PCDH15: variants seen among roughly 807,000 people sequenced by gnomAD.
PCDH15 encodes the protein protocadherin related 15.
In PCDH15, 129 loss-of-function variants were observed where a neutral mutation model predicts 178.5. The observed-to-expected ratio is 0.72, with a 90% CI of 0.63 to 0.84. The LOEUF (loss-of-function observed/expected upper bound fraction) is 0.84. Ranked by LOEUF, PCDH15 falls within the 40% of genes least tolerant of loss-of-function variation. The pLI is 0.00. For missense variants in PCDH15, 2,230 were observed against 2,099.9 expected, an observed-to-expected ratio of 1.06 and a Z score of -1.21; for synonymous variants, 800 against 732.0, an observed-to-expected ratio of 1.09 and a Z score of -1.50.
intron 2 of PCDH15, among the ~76,000 whole-genome samples, chr10:55,012,699 T>G (rs1400871696): frequency 6.6e-6 from 1 of 152,134 alleles, no homozygotes; most frequent in African/African-American, 2.4e-5. Context: ...CCATGTCTTT[T>G]TATTTATTCC....
chr10:54,239,147 G>A (rs2054957173), intron 8 of PCDH15, among the ~76,000 whole-genome samples: 1 of 152,056 alleles, frequency 6.6e-6, no homozygotes, highest in Non-Finnish European at 1.5e-5. Flanking sequence ...CACAATATTT[G>A]AGGATATGTT....
At chr10:54,569,130 G>T (rs2089447107) in intron 2 of PCDH15, among the ~76,000 whole-genome samples, 1 of 151,670 alleles carries the variant, frequency 6.6e-6, no homozygotes, top group Non-Finnish European at 1.5e-5. Context: ...CAAAACCCAA[G>T]AAATTAAAAA....
chr10:55,480,298 C>G (rs1031596165), intron 2 of PCDH15, among the ~76,000 whole-genome samples: 1 of 151,506 alleles, frequency 6.6e-6, no homozygotes, highest in Non-Finnish European at 1.5e-5. Context: ...GACTTCCTCC[C>G]TTAATATTTG....
At position 55,583,900 on chromosome 10, in the gene PCDH15, C is replaced by T. The variant is rs184756008; in HGVS notation, c.-156+43725G>A. ...ATACAATTTTTTTGTTTGTTTCAGA[C>T]GGGGTCTTGCTTTGTCACCCAGGCT... is the stretch of plus-strand genomic sequence containing the variant. On this transcript the variant is annotated intron_variant, in intron 2 of 5. Transcript: ENST00000613346. 5.8e-3 allele frequency among the ~76,000 whole-genome samples: 877 copies of T among 151,968 alleles called. 8 individuals are homozygous for T. Among genetic ancestry groups the T allele is most frequent in the African/African-American group, 0.015 (634 of 41,444 alleles).
rs551948017 is a variant in PCDH15 at position 54,053,278 on chromosome 10, T to C, written c.2220+13479A>G. Among the ~76,000 whole-genome samples the C allele has an allele frequency of 3.9e-4, 60 of 152,342 alleles. 2 individuals are homozygous for C. The South Asian group carries it at 0.012, about 30-fold the overall frequency. On this transcript the variant is annotated intron_variant, in intron 18 of 37. Coordinates refer to ENST00000644397, the MANE Select transcript of PCDH15 (RefSeq NM_001384140.1). ...GCTGACATATACTTTACCGGTTCTCTTTTTACATTTAGGAATCTTCATTAC... is the reference window on the plus strand; with the variant it reads ...GCTGACATATACTTTACCGGTTCTCCTTTTACATTTAGGAATCTTCATTAC...
At chr10:54,388,603 T>C (rs1446703832) in intron 3 of PCDH15, among the ~76,000 whole-genome samples, 3 of 152,206 alleles carry the variant, frequency 2.0e-5, no homozygotes, top group Non-Finnish European at 4.4e-5. Flanking sequence ...TATCCCACCA[T>C]CTTCTTCTGC....
At chr10:55,067,001 G>A (rs1464154699) in intron 2 of PCDH15, among the ~76,000 whole-genome samples, 1 of 151,836 alleles carries the variant, frequency 6.6e-6, no homozygotes, top group Non-Finnish European at 1.5e-5. Context: ...TTCTATGCAT[G>A]TAATAAACAC....
chr10:55,018,319 T>C (rs930306547), intron 2 of PCDH15, among the ~76,000 whole-genome samples: 1 of 152,074 alleles, frequency 6.6e-6, no homozygotes, highest in African/African-American at 2.4e-5. Context: ...AATTCATAGA[T>C]GCTCGAGTCA....
intron 21 of PCDH15, among the ~76,000 whole-genome samples, chr10:53,962,988 C>T (rs2088528225): frequency 6.6e-6 from 1 of 152,124 alleles, no homozygotes; most frequent in Non-Finnish European, 1.5e-5. Flanking sequence ...CAAACCTAAA[C>T]ACTAAATTAC....
At chr10:53,841,644 A>G (rs1298769949) in intron 28 of PCDH15, among the ~76,000 whole-genome samples, 2 of 152,188 alleles carry the variant, frequency 1.3e-5, no homozygotes, top group African/African-American at 4.8e-5. Context: ...TTTGTAACCC[A>G]GTACTGTTGA....
intron 26 of PCDH15, among the ~76,000 whole-genome samples, chr10:53,896,942 A>C (rs528138269): frequency 3.3e-5 from 5 of 152,254 alleles, no homozygotes; most frequent in Non-Finnish European, 7.4e-5. Flanking sequence ...ATTTCATTAT[A>C]TATTACGATG....
At chr10:54,457,905 CT>C (rs1373586376) in intron 3 of PCDH15, among the ~76,000 whole-genome samples, 1 of 152,078 alleles carries the variant, frequency 6.6e-6, no homozygotes, top group African/African-American at 2.4e-5. Flanking sequence ...TACAATATTC[CT>C]GTTTCAAGTG....
At position 53,827,386 on chromosome 10, in the gene PCDH15, T is replaced by C; in HGVS notation, c.4367+7A>G. The C allele has an allele frequency of 6.2e-7, 1 of 1,608,468 alleles. No homozygotes were observed. ...TACTTCTCAGAGTTCCTGAACGGTC[T>C]ACTTACATTGAGCTGTCTCCAAGTT... On this transcript the variant is annotated splice_region_variant and intron_variant, in intron 32 of 37. Transcript: ENST00000644397.
At chr10:54,706,827 G>C (rs1288583183) in intron 1 of PCDH15, among the ~76,000 whole-genome samples, 2 of 151,876 alleles carry the variant, frequency 1.3e-5, no homozygotes, top group African/African-American at 4.8e-5. Flanking sequence ...TTCACCATGT[G>C]GGCCAAGCTG....
rs563050119 is a variant in PCDH15 at position 54,230,458 on chromosome 10, G to T, written c.985+6365C>A. On this transcript the variant is annotated intron_variant, in intron 9 of 37. Coordinates refer to ENST00000644397, the MANE Select transcript of PCDH15 (RefSeq NM_001384140.1). ...AAATACAAAATGAAATATGGTAACTGTGAAATATGAAATACACAATAGAAG... is the reference window on the plus strand; with the variant it reads ...AAATACAAAATGAAATATGGTAACTTTGAAATATGAAATACACAATAGAAG... 2.0e-5 allele frequency among the ~76,000 whole-genome samples: 3 copies of T among 152,290 alleles called. No homozygotes were observed. The East Asian group carries it at 5.8e-4, about 29-fold the overall frequency.
At chr10:53,931,020 T>C in intron 25 of PCDH15, among the ~76,000 whole-genome samples, 1 of 152,106 alleles carries the variant, frequency 6.6e-6, no homozygotes, top group East Asian at 1.9e-4. Context: ...CTTAACAGAA[T>C]GAGACAGGAA....
intron 1 of PCDH15, among the ~76,000 whole-genome samples, chr10:55,294,530 A>G (rs1843087280): frequency 6.6e-6 from 1 of 152,204 alleles, no homozygotes; most frequent in South Asian, 2.1e-4. Context: ...ATTCACCATT[A>G]CTGGAAAATA....
chr10:54,921,985 A>C (rs1837502214), intron 2 of PCDH15, among the ~76,000 whole-genome samples: 1 of 152,046 alleles, frequency 6.6e-6, no homozygotes, highest in Non-Finnish European at 1.5e-5. Context: ...TCTTGTGAAA[A>C]CTCACTCACT....
In PCDH15 at chr10:54,051,403, G is replaced by A. The variant is rs550129184; in HGVS notation, c.2220+15354C>T. Reference sequence around the variant, plus strand: ...TTGAACGGCTTTGACCAAAATGCTGGTAGTGATTTGTACAATGAAGTCCAG... The same window carrying A: ...TTGAACGGCTTTGACCAAAATGCTGATAGTGATTTGTACAATGAAGTCCAG... On this transcript the variant is annotated intron_variant, in intron 18 of 37. Coordinates refer to ENST00000644397, the MANE Select transcript of PCDH15 (RefSeq NM_001384140.1). Among the ~76,000 whole-genome samples, 4 of 152,278 alleles carry A rather than the reference G, an allele frequency of 2.6e-5. No individual in the cohort carries two copies. The South Asian group carries it at 8.3e-4, about 32-fold the overall frequency.
Sources: allele counts gnomAD v4.1 joint callset (sites outside exome capture counted in the v4.1 genomes callset), GRCh38; gene constraint gnomAD v4.1.1; transcripts MANE v1.5; gene names NCBI Gene and HGNC (gene_info 2026-07-23, HGNC 2026-07-21).